PKP2: variants seen among roughly 807,000 people sequenced by gnomAD.
The protein encoded by PKP2 is plakophilin-2.
A neutral mutation model predicts 83.4 loss-of-function variants in PKP2; 73 were observed. The ratio of observed to expected loss-of-function variants is 0.88; its 90% CI spans 0.72 to 1.06. The LOEUF (loss-of-function observed/expected upper bound fraction) is 1.06, where lower values mean the gene tolerates loss of function less well. PKP2 is among the 50% of genes least tolerant of loss of function. The pLI is 0.00. For missense variants in PKP2, 966 were observed against 1,065.4 expected, an observed-to-expected ratio of 0.91 and a Z score of 1.30; for synonymous variants, 409 against 430.4, an observed-to-expected ratio of 0.95 and a Z score of 0.62.
At chr12:32,883,980 T>A (rs1226776216) in intron 1 of PKP2, among the ~76,000 whole-genome samples, 2 of 152,212 alleles carry the variant, frequency 1.3e-5, no homozygotes, top group South Asian at 2.1e-4. Flanking sequence ...AAAATCAAGC[T>A]GACCTTCCTT....
At chr12:32,801,404 G>A (rs1241966680) in intron 10 of PKP2, among the ~76,000 whole-genome samples, 1 of 152,170 alleles carries the variant, frequency 6.6e-6, no homozygotes, top group Non-Finnish European at 1.5e-5. Flanking sequence ...AATTCTGAGA[G>A]TGCCTATGGC....
chr12:32,832,399 T>G (rs188198605), intron 6 of PKP2, among the ~76,000 whole-genome samples: 57 of 152,056 alleles, frequency 3.7e-4, no homozygotes, highest in African/African-American at 1.3e-3. Flanking sequence ...AAAAAAAATT[T>G]ACAAAGTAAT....
At chr12:32,862,428 C>G (rs1471531983) in intron 4 of PKP2, among the ~76,000 whole-genome samples, 1 of 151,076 alleles carries the variant, frequency 6.6e-6, no homozygotes, top group Non-Finnish European at 1.5e-5. Context: ...AGGTGGATCA[C>G]CTGAAGTCGG....
At chr12:32,832,409 TTTAA>T (rs1488577329) in intron 6 of PKP2, among the ~76,000 whole-genome samples, 2 of 152,014 alleles carry the variant, frequency 1.3e-5, no homozygotes, top group Non-Finnish European at 2.9e-5. Context: ...TACAAAGTAA[TTTAA>T]TTAATTAAAC....
chr12:32,872,420 G>T (rs931959845), intron 3 of PKP2, among the ~76,000 whole-genome samples: 1 of 152,146 alleles, frequency 6.6e-6, no homozygotes, highest in African/African-American at 2.4e-5. Context: ...TGTAATCCCA[G>T]CTACTTGGGA....
intron 3 of PKP2, among the ~76,000 whole-genome samples, chr12:32,869,598 C>CAAAAAAAAAAAAAAGAAAAAAAAAAA (rs1956880569): frequency 1.2e-5 from 1 of 82,210 alleles, no homozygotes; most frequent in Non-Finnish European, 2.4e-5. Flanking sequence ...GACTGCATCT[C>CAAAAAAAAAAAAAAGAAAAAAAAAAA]AAAAAAAAAA....
intron 9 of PKP2, among the ~76,000 whole-genome samples, chr12:32,804,395 C>A (rs559524575): frequency 2.0e-5 from 3 of 152,122 alleles, no homozygotes; most frequent in Non-Finnish European, 4.4e-5. Context: ...CTGCACAGAT[C>A]ATCCAATCAC....
chr12:32,877,607 G>C (rs950922314), intron 3 of PKP2, among the ~76,000 whole-genome samples: 1 of 152,232 alleles, frequency 6.6e-6, no homozygotes, highest in African/African-American at 2.4e-5. Flanking sequence ...ATCTGGAACA[G>C]ATGGACTAAA....
At chr12:32,840,903 TA>T in intron 6 of PKP2, 124 bp downstream of exon 6, 1 of 752,102 alleles carries the variant, frequency 1.3e-6, no homozygotes, top group Non-Finnish European at 2.3e-6. Flanking sequence ...ATAAATAAAA[TA>T]AACAAACCAT....
chr12:32,879,139 G>T, intron 1 of PKP2, 107 bp from the exon 2 acceptor site: 1 of 724,952 alleles, frequency 1.4e-6, no homozygotes, highest in South Asian at 1.5e-5. Flanking sequence ...AGTAATGAAG[G>T]CCAAGAACAA....
chr12:32,858,758 A>C (rs1460329242), intron 4 of PKP2, among the ~76,000 whole-genome samples: 1 of 152,242 alleles, frequency 6.6e-6, no homozygotes, highest in African/African-American at 2.4e-5. Context: ...GTAAGTCATT[A>C]AGAAAGAGAT....
intron 10 of PKP2, among the ~76,000 whole-genome samples, chr12:32,800,853 C>CT (rs1178547709): frequency 6.6e-6 from 1 of 152,132 alleles, no homozygotes; most frequent in African/African-American, 2.4e-5. Context: ...CATTGCCTGT[C>CT]TTTAAGTTTT....
chr12:32,847,539 C>A (rs1956657872), intron 5 of PKP2, among the ~76,000 whole-genome samples: 1 of 152,178 alleles, frequency 6.6e-6, no homozygotes, highest in South Asian at 2.1e-4. Context: ...CACACACACA[C>A]ACACGCACGC....
chr12:32,854,021 C>G (rs1477135243), intron 4 of PKP2, among the ~76,000 whole-genome samples: 1 of 152,128 alleles, frequency 6.6e-6, no homozygotes, highest in African/African-American at 2.4e-5. Context: ...CCAAATCCTC[C>G]CAGTAGCAGT....
In PKP2 at chr12:32,879,022, G is replaced by A. The variant is rs1591829350; in HGVS notation, c.234C>T (p.His78=). The A allele has an allele frequency of 1.3e-6, 2 of 1,575,170 alleles. No homozygotes were observed. Among genetic ancestry groups the A allele is most frequent in the Non-Finnish European group, 1.7e-6 (2 of 1,146,196 alleles). ...CATACTCAGGAACACTGCTGGTTCG[G>A]TGAAGATTTCCTGCAATCAAGCAAA... ...GRSSVGNGNL[H]RTSSVPEYVY... is the part of the protein sequence containing the mutation. The change falls in exon 2 of 13, where the codon CAC becomes CAT. Residue 78 remains histidine (H), a synonymous_variant. Transcript: ENST00000340811.
intron 1 of PKP2, among the ~76,000 whole-genome samples, chr12:32,889,964 A>T (rs1354551692): frequency 2.0e-5 from 3 of 150,326 alleles, no homozygotes; most frequent in African/African-American, 7.4e-5. Flanking sequence ...AATCCCACTT[A>T]CTTGAGAGGC....
intron 11 of PKP2, among the ~76,000 whole-genome samples, chr12:32,794,351 A>G (rs1186738046): frequency 6.6e-6 from 1 of 152,202 alleles, no homozygotes; most frequent in Non-Finnish European, 1.5e-5. Context: ...TTTTATTCAA[A>G]GATGTAATGT....
chr12:32,841,034 C>T lies in PKP2; in HGVS notation c.1550G>A (p.Cys517Tyr). ...AGGGTACAGGTAGCATTACCTTAGG[C>T]ATCCAGTGACGTTGTAGAATATGTC... ...DFDIFYNVTG[C>Y]LRNMSSAGAD... The change falls in exon 6 of 13, where the codon TGC becomes TAC. Residue 517 changes from cysteine to tyrosine, a missense_variant. Transcript: ENST00000340811. 1 of 1,612,644 alleles carries T rather than the reference C, an allele frequency of 6.2e-7. No individual in the cohort carries two copies. The highest frequency in any genetic ancestry group is 1.1e-5 in the South Asian group (1 of 91,020).
chr12:32,852,429 C>T (rs1413686775), intron 4 of PKP2, among the ~76,000 whole-genome samples: 3 of 152,068 alleles, frequency 2.0e-5, no homozygotes, highest in African/African-American at 7.2e-5. Flanking sequence ...GGAGAAAAGA[C>T]TAGAAAGGCG....
Sources: allele counts gnomAD v4.1 joint callset (sites outside exome capture counted in the v4.1 genomes callset), GRCh38; gene constraint gnomAD v4.1.1; transcripts MANE v1.5; gene names NCBI Gene and HGNC (gene_info 2026-07-23, HGNC 2026-07-21).